ADAM32: variants seen among roughly 807,000 people sequenced by gnomAD.
ADAM32 encodes the protein ADAM metallopeptidase domain 32.
A neutral mutation model predicts 114.9 loss-of-function variants in ADAM32; 89 were observed. The ratio of observed to expected loss-of-function variants is 0.77; its 90% confidence interval spans 0.65 to 0.92. The LOEUF (loss-of-function observed/expected upper bound fraction) is 0.92, where lower values mean the gene tolerates loss of function less well. Among genes scored for constraint, ADAM32 ranks in the 40% least tolerant of loss-of-function variants. The pLI is 0.00. For synonymous variants in ADAM32, 285 were observed against 307.5 expected (o/e 0.93, Z 0.77); for missense variants, 870 against 932.8 (o/e 0.93, Z 0.88).
intron 11 of ADAM32, among the ~76,000 whole-genome samples, chr8:39,208,806 T>C (rs1382812954): frequency 2.0e-5 from 3 of 152,204 alleles, no homozygotes; most frequent in African/African-American, 7.2e-5. Flanking sequence ...TTTCTCTTAC[T>C]GCTTTTAGGA....
rs941227491 is a variant in ADAM32 at position 39,164,928 on chromosome 8, C to A, written c.666+93C>A. 15 of 1,467,402 alleles carry A rather than the reference C, an allele frequency of 1.0e-5. No homozygotes were observed. The African/African-American group carries it at 2.0e-4, about 19-fold the overall frequency. 90.9% of individuals were successfully genotyped at this position (1,467,402 alleles called of 1,614,324 possible). A position where few individuals can be genotyped will look rare whatever the true frequency, so the allele number is the denominator to read the frequency against. On this transcript the variant is annotated intron_variant, in intron 8 of 24. Transcript: ENST00000379907. ...CGGTATTCCTGGATAATTAACCCAC[C>A]CATATAAACTGAGTGTGGGATTGTA... is the stretch of plus-strand genomic sequence containing the variant.
intron 1 of ADAM32, among the ~76,000 whole-genome samples, chr8:39,112,130 T>A (rs995314016): frequency 5.9e-5 from 9 of 152,208 alleles, no homozygotes; most frequent in Non-Finnish European, 8.8e-5. Context: ...TTTACTATAT[T>A]TTTAAAGAAA....
intron 3 of ADAM32, among the ~76,000 whole-genome samples, chr8:39,137,726 G>C (rs573363298): frequency 6.6e-6 from 1 of 150,630 alleles, no homozygotes; most frequent in South Asian, 2.1e-4. Context: ...AGCCGAGATG[G>C]TGCCACTGCA....
chr8:39,254,599 C>T (rs1811522639), intron 18 of ADAM32, 83 bp downstream of exon 18: 2 of 1,020,826 alleles, frequency 2.0e-6, no homozygotes, highest in African/African-American at 1.7e-5. Context: ...GATTTTTCCA[C>T]TTACAAGGCA....
At chr8:39,181,478 G>C (rs1438616901) in intron 10 of ADAM32, among the ~76,000 whole-genome samples, 1 of 152,156 alleles carries the variant, frequency 6.6e-6, no homozygotes, top group Non-Finnish European at 1.5e-5. Context: ...TCACTGCGAG[G>C]CTCCGCGGCT....
At chr8:39,144,655 C>T (rs1210711733) in intron 3 of ADAM32, among the ~76,000 whole-genome samples, 1 of 2,546 alleles carries the variant, frequency 3.9e-4, no homozygotes, top group East Asian at 0.028. Flanking sequence ...AGAGATATAC[C>T]TTAACACAAA....
intron 2 of ADAM32, among the ~76,000 whole-genome samples, chr8:39,128,402 CCTA>C (rs1802243555): frequency 6.6e-6 from 1 of 152,058 alleles, no homozygotes; most frequent in South Asian, 2.1e-4. Flanking sequence ...TCATTTTGAG[CCTA>C]TGTGTCTTTG....
chr8:39,194,476 G>T (rs765614729), intron 11 of ADAM32, among the ~76,000 whole-genome samples: 2 of 152,160 alleles, frequency 1.3e-5, no homozygotes, highest in Non-Finnish European at 2.9e-5. Context: ...CACCAGCAAA[G>T]CACTGTAGGT....
At chr8:39,263,848 C>A (rs1298716068) in intron 19 of ADAM32, among the ~76,000 whole-genome samples, 1 of 152,074 alleles carries the variant, frequency 6.6e-6, no homozygotes, top group East Asian at 1.9e-4. Context: ...TGAAATCCAT[C>A]CATGTTATTA....
chr8:39,232,799 C>T (rs1809835671), intron 15 of ADAM32, among the ~76,000 whole-genome samples: 1 of 152,100 alleles, frequency 6.6e-6, no homozygotes, highest in Non-Finnish European at 1.5e-5. Context: ...GTCCTCTAAC[C>T]TCACAGTTAA....
intron 16 of ADAM32, among the ~76,000 whole-genome samples, chr8:39,242,070 G>T (rs973540881): frequency 6.6e-6 from 1 of 152,106 alleles, no homozygotes; most frequent in Non-Finnish European, 1.5e-5. Context: ...CAAATCTCTA[G>T]GGCATGGACA....
intron 16 of ADAM32, among the ~76,000 whole-genome samples, chr8:39,234,424 G>GT (rs1301432462): frequency 6.6e-6 from 1 of 152,104 alleles, no homozygotes; most frequent in Non-Finnish European, 1.5e-5. Flanking sequence ...ATCTCACTTA[G>GT]TAACATAAAT....
intron 22 of ADAM32, among the ~76,000 whole-genome samples, chr8:39,278,764 TA>T (rs1375963570): frequency 2.0e-5 from 3 of 152,124 alleles, no homozygotes; most frequent in Non-Finnish European, 4.4e-5. Context: ...GATTTTTCAT[TA>T]TGGGTTTAGT....
At chr8:39,134,139 G>C (rs1167020161) in intron 2 of ADAM32, among the ~76,000 whole-genome samples, 1 of 152,154 alleles carries the variant, frequency 6.6e-6, no homozygotes, top group African/African-American at 2.4e-5. Context: ...TGGACATGGG[G>C]GGATGTCAGC....
chr8:39,130,547 T>A (rs1055931844), intron 2 of ADAM32, among the ~76,000 whole-genome samples: 1 of 152,186 alleles, frequency 6.6e-6, no homozygotes, highest in African/African-American at 2.4e-5. Context: ...CACACATTTC[T>A]CTACAAGCAT....
At chr8:39,139,274 G>A (rs1036433602) in intron 3 of ADAM32, among the ~76,000 whole-genome samples, 1 of 152,106 alleles carries the variant, frequency 6.6e-6, no homozygotes, top group Non-Finnish European at 1.5e-5. Context: ...GAATGGTATT[G>A]CCTAGGTTTT....
intron 10 of ADAM32, among the ~76,000 whole-genome samples, chr8:39,179,449 G>T (rs557790810): frequency 6.6e-6 from 1 of 152,306 alleles, no homozygotes; most frequent in Non-Finnish European, 1.5e-5. Context: ...ATGCATGAAT[G>T]GATCTCCCGC....
At chr8:39,231,987 A>C (rs780423516) in intron 14 of ADAM32, 40 bp from the exon 15 acceptor site, 1 of 1,479,340 alleles carries the variant, frequency 6.8e-7, no homozygotes, top group Admixed American at 1.8e-5. Flanking sequence ...ATGAAAAACC[A>C]ATAAACATTT....
intron 1 of ADAM32, among the ~76,000 whole-genome samples, chr8:39,116,295 A>C (rs1000537297): frequency 6.6e-6 from 1 of 152,140 alleles, no homozygotes; most frequent in African/African-American, 2.4e-5. Context: ...GGTTTGATAG[A>C]AGTAGCACTG....
Sources: allele counts gnomAD v4.1 joint callset (sites outside exome capture counted in the v4.1 genomes callset), GRCh38; gene constraint gnomAD v4.1.1; transcripts MANE v1.5; gene names NCBI Gene and HGNC (gene_info 2026-07-23, HGNC 2026-07-21).